Variants in RNF19A observed in about 807,000 individuals in gnomAD.
RNF19A encodes the protein ring finger protein 19A, RBR E3 ubiquitin protein ligase.
RNF19A carries 32 observed loss-of-function variants against 75.7 expected under a neutral mutation model. The ratio of observed to expected loss-of-function variants is 0.42; its 90% CI spans 0.32 to 0.57. The LOEUF (loss-of-function observed/expected upper bound fraction) is 0.57, where lower values mean the gene tolerates loss of function less well. Among genes scored for constraint, RNF19A ranks in the 20% least tolerant of loss-of-function variants. The pLI is 0.10. For synonymous variants in RNF19A, 335 were observed against 345.2 expected (o/e 0.97, Z 0.33); for missense variants, 782 against 1,036.3 (o/e 0.75, Z 3.37).
At chr8:100,320,253 T>G (rs1822446269) in intron 1 of RNF19A, among the ~76,000 whole-genome samples, 1 of 152,264 alleles carries the variant, frequency 6.6e-6, no homozygotes, top group Admixed American at 6.5e-5. Flanking sequence ...AATGATTTTA[T>G]ACTGAATGTA....
At chr8:100,326,579 C>T (rs375762328) in intron 1 of RNF19A, among the ~76,000 whole-genome samples, 1 of 152,108 alleles carries the variant, frequency 6.6e-6, no homozygotes, top group African/African-American at 2.4e-5. Flanking sequence ...TTTACTGATA[C>T]CATTCAATAA....
intron 3 of RNF19A, 100 bp downstream of exon 3, chr8:100,274,853 T>C (rs909868653): frequency 2.2e-6 from 2 of 899,708 alleles, no homozygotes; most frequent in Non-Finnish European, 3.3e-6. Flanking sequence ...AAAAACACTT[T>C]CGGCAAGTGA....
Position 100,288,096 on chromosome 8 carries a change from T to C in RNF19A, c.79A>G (p.Thr27Ala), listed in dbSNP as rs751880519. The C allele has an allele frequency of 5.0e-6, 8 of 1,614,186 alleles. No homozygotes were observed. The highest frequency in any genetic ancestry group is 3.3e-4 in the Middle Eastern group (2 of 6,062). The change falls in exon 2 of 10, where the codon ACA becomes GCA. Residue 27 changes from threonine to alanine, a missense_variant. Thr to Ala is a moderately conservative substitution (Grantham distance 58). This residue lies in a region of RNF19A where 148 missense variants were observed against 147.9 expected (regional missense o/e 1.00). Transcript: ENST00000341084. ...TGTAAACTCATGTCTAAAATGCTTG[T>C]TAGAATTGAGACAGGGTCAGTGTTT... is the stretch of plus-strand genomic sequence containing the variant. ...CVNTDPVSILTSILDMSLHRQ... is the reference protein window; with the variant it reads ...CVNTDPVSILASILDMSLHRQ...
intron 5 of RNF19A, among the ~76,000 whole-genome samples, chr8:100,265,452 T>C (rs1326539234): frequency 1.3e-5 from 2 of 150,994 alleles, no homozygotes; most frequent in Non-Finnish European, 2.9e-5. Flanking sequence ...CAGGTGTTAA[T>C]AAGTAGAATT....
rs150550860 is a variant in RNF19A at position 100,294,672 on chromosome 8, A to T, written c.-93-6405T>A. The stretch of plus-strand genomic sequence containing the variant: ...TACATAGACTTTTCTTTAGGGGGAA[A>T]GATGTATAAATTTTTTAAGGAAAAC... On this transcript the variant is annotated intron_variant, in intron 1 of 9. Transcript: ENST00000341084. Among the ~76,000 whole-genome samples the T allele has an allele frequency of 5.1e-3, 782 of 152,238 alleles. 6 individuals carry two copies. The highest frequency in any genetic ancestry group is 0.018 in the African/African-American group (747 of 41,540).
intron 2 of RNF19A, among the ~76,000 whole-genome samples, chr8:100,285,833 A>C (rs913827307): frequency 4.6e-5 from 7 of 152,028 alleles, no homozygotes; most frequent in Non-Finnish European, 7.4e-5. Flanking sequence ...ATTTAGAGGA[A>C]TGTATGAAGC....
At chr8:100,281,141 G>T (rs1370026581) in intron 2 of RNF19A, among the ~76,000 whole-genome samples, 1 of 152,102 alleles carries the variant, frequency 6.6e-6, no homozygotes, top group Non-Finnish European at 1.5e-5. Flanking sequence ...TTCAGCTGAA[G>T]GTCTCTAGGT....
intron 2 of RNF19A, among the ~76,000 whole-genome samples, chr8:100,277,456 C>T (rs767644749): frequency 9.2e-5 from 14 of 152,036 alleles, no homozygotes; most frequent in Admixed American, 2.0e-4. Context: ...GGACTACAGG[C>T]GCCCACTACC....
chr8:100,267,070 C>G (rs7833867), intron 5 of RNF19A, among the ~76,000 whole-genome samples: 19,940 of 152,054 alleles, frequency 0.13, 3,993 homozygotes, highest in African/African-American at 0.43. Context: ...TCAAACGTAA[C>G]AATTTTGTAA....
At chr8:100,281,676 GAAGAAA>G (rs1723156793) in intron 2 of RNF19A, among the ~76,000 whole-genome samples, 1 of 152,130 alleles carries the variant, frequency 6.6e-6, no homozygotes, top group Non-Finnish European at 1.5e-5. Flanking sequence ...AAAAGAGAAT[GAAGAAA>G]AAGTATCTGT....
Position 100,258,412 on chromosome 8 carries a change from C to T in RNF19A, c.*144G>A. 1 of 638,956 alleles carries T rather than the reference C, an allele frequency of 1.6e-6. No homozygotes were observed. The highest frequency in any genetic ancestry group is 3.2e-5 in the Admixed American group (1 of 31,562). 39.6% of individuals were successfully genotyped at this position (638,956 alleles called of 1,614,324 possible). Reference sequence around the variant, plus strand: ...ACTAAGATCCACATGACACACAATGCCTTGCTGAACACAGAAAATGTATCT... The same window carrying T: ...ACTAAGATCCACATGACACACAATGTCTTGCTGAACACAGAAAATGTATCT... On this transcript the variant is annotated 3_prime_UTR_variant, in exon 10 of 10. Transcript: ENST00000341084. This position sits in a 1 kb window ranked among gnomAD's most constrained non-coding sequence, Gnocchi z 4.3.
At chr8:100,285,278 C>T (rs1231971454) in intron 2 of RNF19A, among the ~76,000 whole-genome samples, 1 of 152,096 alleles carries the variant, frequency 6.6e-6, no homozygotes, top group Non-Finnish European at 1.5e-5. Context: ...ATAACCTACA[C>T]CTCTGTAATC....
In RNF19A at chr8:100,258,458, G is replaced by T; in HGVS notation, c.*98C>A. 1.0e-6 allele frequency: 1 copy of T among 967,204 alleles called. No homozygotes were observed. The highest frequency in any genetic ancestry group is 1.6e-5 in the South Asian group (1 of 61,036). 59.9% of individuals were successfully genotyped at this position (967,204 alleles called of 1,614,324 possible). On this transcript the variant is annotated 3_prime_UTR_variant, in exon 10 of 10. Transcript: ENST00000341084. This position sits in a 1 kb window ranked among gnomAD's most constrained non-coding sequence, Gnocchi z 4.3. ...TATCTGCATTATGATAATGAAACCC[G>T]GCTTTTGCTGGTAACCTGAAACTTA...
rs770287890 is a variant in RNF19A at position 100,287,923 on chromosome 8, T to C, written c.252A>G (p.Leu84=). Residue 84 remains leucine, a synonymous_variant, in exon 2 of 10, where the codon CTA becomes CTG. Coordinates refer to ENST00000341084, the MANE Select transcript of RNF19A (RefSeq NM_183419.4). The surrounding 1 kb of genome is among the most constrained non-coding windows in gnomAD (Gnocchi z 4.1). ...KKDNKRKSRE[L]NGGVDGIASI... ...TTGCAATTCCATCCACCCCGCCATTTAGCTCCCTTGATTTACGTTTGTTAT... is the reference window on the plus strand; with the variant it reads ...TTGCAATTCCATCCACCCCGCCATTCAGCTCCCTTGATTTACGTTTGTTAT... 1.2e-6 allele frequency: 2 copies of C among 1,614,230 alleles called. No homozygotes were observed. The highest frequency in any genetic ancestry group is 2.2e-5 in the South Asian group (2 of 91,086).
At position 100,329,452 on chromosome 8, in the gene RNF19A, C is replaced by T. The variant is rs1822582460; in HGVS notation, c.-243+6656G>A. Reference sequence around the variant, plus strand: ...CAAAAACAAAACAAAACAAAACAAACAAACAAACAAAAAAAGTCAGTGAAT... The same window carrying T: ...CAAAAACAAAACAAAACAAAACAAATAAACAAACAAAAAAAGTCAGTGAAT... On this transcript the variant is annotated intron_variant, in intron 1 of 3. Coordinates refer to the RNF19A transcript ENST00000519527. The surrounding 1 kb of genome is among the most constrained non-coding windows in gnomAD (Gnocchi z 4.3). Among the ~76,000 whole-genome samples, 2 of 151,796 alleles carry T rather than the reference C, an allele frequency of 1.3e-5. No homozygotes were observed. Among genetic ancestry groups the T allele is most frequent in the African/African-American group, 2.4e-5 (1 of 41,294 alleles).
chr8:100,326,359 G>A (rs762055889), intron 1 of RNF19A, among the ~76,000 whole-genome samples: 20 of 152,052 alleles, frequency 1.3e-4, no homozygotes, highest in Middle Eastern at 3.2e-3. Flanking sequence ...CTAACACAGC[G>A]ATTCCCAGCA....
At chr8:100,315,495 G>A (rs1045526404) in intron 1 of RNF19A, among the ~76,000 whole-genome samples, 3 of 152,142 alleles carry the variant, frequency 2.0e-5, no homozygotes, top group South Asian at 2.1e-4. Flanking sequence ...CTTGTCCAGG[G>A]AGAAAGAGAT....
intron 3 of RNF19A, 149 bp from the exon 4 acceptor site, chr8:100,270,162 A>AT (rs1234440020): frequency 1.9e-6 from 1 of 516,544 alleles, no homozygotes; most frequent in Admixed American, 4.1e-5. Context: ...TATATAAAGC[A>AT]TTTTTTCTTC....
intron 2 of RNF19A, among the ~76,000 whole-genome samples, chr8:100,279,111 C>G (rs1391673435): frequency 1.3e-5 from 2 of 152,108 alleles, no homozygotes; most frequent in Non-Finnish European, 2.9e-5. Context: ...TTATAGAGAA[C>G]AAGATTTTTG....
Sources: gnomAD v4.1 joint callset for allele counts (sites outside exome capture counted in the v4.1 genomes callset) on GRCh38, gnomAD v4.1.1 for gene constraint, gnomAD v4.1.1 regional missense constraint, Gnocchi (gnomAD v3.1) non-coding constraint, MANE v1.5 for transcripts, NCBI Gene and HGNC (gene_info 2026-07-23, HGNC 2026-07-21) for gene names.